RNF138: variants seen among roughly 807,000 people sequenced by gnomAD.
RNF138 encodes the protein ring finger protein 138, also known as E3 ubiquitin-protein ligase RNF138.
Under a neutral mutation model 31.0 loss-of-function variants are expected in RNF138, and 12 were observed. The ratio of observed to expected loss-of-function variants is 0.39; its 90% CI spans 0.25 to 0.63. The LOEUF (loss-of-function observed/expected upper bound fraction) is 0.63, where lower values mean the gene tolerates loss of function less well. RNF138 is among the 20% of genes least tolerant of loss of function. The probability of loss-of-function intolerance (pLI) is 0.52; values close to 1 mark genes in which losing one functional copy is unlikely to be tolerated. For missense variants in RNF138, 192 were observed against 300.1 expected (o/e 0.64, Z 2.66); for synonymous variants, 105 against 99.5 (o/e 1.06, Z -0.33).
intron 2 of RNF138, among the ~76,000 whole-genome samples, chr18:32,104,080 C>T (rs2039988765): frequency 1.4e-5 from 2 of 144,466 alleles, no homozygotes; most frequent in Non-Finnish European, 3.0e-5. Flanking sequence ...GTGGCCTGAT[C>T]TTGGCTCACT....
At chr18:32,125,015 A>G in intron 6 of RNF138, 170 bp downstream of exon 6, 1 of 546,848 alleles carries the variant, frequency 1.8e-6, no homozygotes, top group Non-Finnish European at 3.3e-6. Flanking sequence ...AAAATGAGAT[A>G]TTTAAAATTG....
At position 32,097,971 on chromosome 18, in the gene RNF138, TG is replaced by T. The variant is rs1264943838; in HGVS notation, c.110+5086del. On this transcript the variant is annotated intron_variant, in intron 2 of 7. Coordinates refer to ENST00000261593, the MANE Select transcript of RNF138 (RefSeq NM_016271.5). ...GTGTGTGTGTGTGTGTGTGTGTGTG[TG>T]TGTGTTATTTTTGTTTGTTTGTTTG... is the stretch of plus-strand genomic sequence containing the variant. 1.9e-4 allele frequency among the ~76,000 whole-genome samples: 9 copies of T among 47,174 alleles called. 1 individual carries two copies. The highest frequency in any genetic ancestry group is 0.018 in the Middle Eastern group (2 of 110). 30.9% of individuals were successfully genotyped at this position (47,174 alleles called of 152,430 possible). A position where few individuals can be genotyped will look rare whatever the true frequency, so the allele number is the denominator to read the frequency against.
At chr18:32,095,705 A>T (rs2039792010) in intron 2 of RNF138, among the ~76,000 whole-genome samples, 1 of 152,234 alleles carries the variant, frequency 6.6e-6, no homozygotes, top group South Asian at 2.1e-4. Flanking sequence ...TAGTAAAAGG[A>T]GCAAGTTCAT....
chr18:32,092,528 C>G (rs1168051381), intron 1 of RNF138, 172 bp from the exon 2 acceptor site: 15 of 491,342 alleles, frequency 3.1e-5, no homozygotes, highest in African/African-American at 1.0e-4. Flanking sequence ...CCGCCAAGCA[C>G]CGTCCCCCAT....
intron 2 of RNF138, among the ~76,000 whole-genome samples, chr18:32,096,489 C>T (rs76450674): frequency 6.6e-6 from 1 of 152,038 alleles, no homozygotes; most frequent in South Asian, 2.1e-4. Context: ...TCGAAGTGGT[C>T]ACCGAGTGAG....
At chr18:32,095,360 C>G (rs1410152723) in intron 2 of RNF138, among the ~76,000 whole-genome samples, 2 of 152,042 alleles carry the variant, frequency 1.3e-5, no homozygotes, top group Non-Finnish European at 2.9e-5. Context: ...TTTATAGAGA[C>G]AGGGCCTCAC....
intron 2 of RNF138, among the ~76,000 whole-genome samples, chr18:32,111,118 C>A (rs1291340686): frequency 6.6e-6 from 1 of 152,208 alleles, no homozygotes; most frequent in Non-Finnish European, 1.5e-5. Flanking sequence ...AAATTATGTT[C>A]CATTGCATAC....
At chr18:32,104,013 C>CTTTTTTTTT (rs745696010) in intron 2 of RNF138, among the ~76,000 whole-genome samples, 1 of 130,838 alleles carries the variant, frequency 7.6e-6, no homozygotes, top group African/African-American at 2.9e-5. Flanking sequence ...GGCTAAAAAA[C>CTTTTTTTTT]TTTTTTTTTT....
intron 4 of RNF138, among the ~76,000 whole-genome samples, chr18:32,118,196 G>A (rs1223006863): frequency 6.6e-6 from 1 of 152,146 alleles, no homozygotes; most frequent in East Asian, 1.9e-4. Flanking sequence ...GTATTAAAAT[G>A]TTCTTTTTCT....
intron 2 of RNF138, among the ~76,000 whole-genome samples, chr18:32,094,242 A>C (rs1359834855): frequency 6.6e-6 from 1 of 150,574 alleles, no homozygotes; most frequent in African/African-American, 2.4e-5. Flanking sequence ...ATAATTTTGT[A>C]AAGGATGGAT....
At chr18:32,094,880 C>T (rs1210476834) in intron 2 of RNF138, among the ~76,000 whole-genome samples, 3 of 152,156 alleles carry the variant, frequency 2.0e-5, no homozygotes, top group East Asian at 3.9e-4. Context: ...TTTAGCACTC[C>T]CCAAAATTCC....
chr18:32,101,207 T>C (rs1023866510), intron 2 of RNF138, among the ~76,000 whole-genome samples: 11 of 149,396 alleles, frequency 7.4e-5, no homozygotes, highest in South Asian at 4.2e-4. Context: ...CAACCTCTTA[T>C]AGGTTTCTTT....
chr18:32,105,959 CTA>C (rs2040021442), intron 2 of RNF138, among the ~76,000 whole-genome samples: 1 of 152,206 alleles, frequency 6.6e-6, no homozygotes, highest in South Asian at 2.1e-4. Flanking sequence ...GAATTAAGCA[CTA>C]TGACACAAGG....
intron 7 of RNF138, among the ~76,000 whole-genome samples, chr18:32,128,810 C>T (rs1279289182): frequency 6.6e-6 from 1 of 152,132 alleles, no homozygotes; most frequent in Non-Finnish European, 1.5e-5. Flanking sequence ...ACCCAGCTTT[C>T]CAGTTAACCA....
At chr18:32,102,712 A>G (rs1029219592) in intron 2 of RNF138, among the ~76,000 whole-genome samples, 1 of 151,516 alleles carries the variant, frequency 6.6e-6, no homozygotes, top group Non-Finnish European at 1.5e-5. Flanking sequence ...GGCTCACTGA[A>G]ACCTCCATCT....
At position 32,130,020 on chromosome 18, in the gene RNF138, T is replaced by C. The variant is rs1052567344; in HGVS notation, c.*833T>C. 3 of 152,390 alleles carry C rather than the reference T, an allele frequency of 2.0e-5. No individual in the cohort carries two copies. The highest frequency in any genetic ancestry group is 2.9e-5 in the Non-Finnish European group (2 of 67,916). 9.4% of individuals were successfully genotyped at this position (152,390 alleles called of 1,614,324 possible). A position where few individuals can be genotyped will look rare whatever the true frequency, so the allele number is the denominator to read the frequency against. ...TGGTGATATTGTATTCTAGAAGATA[T>C]AAATGAGAGGTTTGGCTTCATCTCA... On this transcript the variant is annotated 3_prime_UTR_variant, in exon 8 of 8. Transcript: ENST00000261593.
chr18:32,115,170 A>G (rs1255334411), intron 4 of RNF138, among the ~76,000 whole-genome samples: 2 of 152,162 alleles, frequency 1.3e-5, no homozygotes, highest in Admixed American at 1.3e-4. Flanking sequence ...AGCTTTTAGT[A>G]AAGTTCTTAG....
chr18:32,098,153 AT>A (rs1425075182), intron 2 of RNF138, among the ~76,000 whole-genome samples: 31 of 151,132 alleles, frequency 2.1e-4, no homozygotes, highest in African/African-American at 7.3e-4. Flanking sequence ...CGCCCTGCTA[AT>A]TTTTTGTATT....
intron 2 of RNF138, among the ~76,000 whole-genome samples, chr18:32,098,231 C>T (rs540300319): frequency 6.6e-6 from 1 of 152,126 alleles, no homozygotes; most frequent in Admixed American, 6.5e-5. Flanking sequence ...GTTTTGAACT[C>T]CTGACCTCAA....
Sources: allele counts gnomAD v4.1 joint callset (sites outside exome capture counted in the v4.1 genomes callset), GRCh38; gene constraint gnomAD v4.1.1; transcripts MANE v1.5; gene names NCBI Gene and HGNC (gene_info 2026-07-23, HGNC 2026-07-21).